C11orf65: variants seen among roughly 807,000 people sequenced by gnomAD.
C11orf65 encodes protein MFI.
Under a neutral mutation model 35.3 loss-of-function variants are expected in C11orf65, and 38 were observed. The observed-to-expected ratio is 1.08, with a 90% CI of 0.83 to 1.41. C11orf65 has a LOEUF of 1.41. C11orf65 is among the 40% of genes most tolerant of loss of function. The pLI, the probability that C11orf65 is intolerant of heterozygous loss-of-function variation, is 0.00. For synonymous variants in C11orf65, 105 were observed against 114.4 expected, an observed-to-expected ratio of 0.92 and a Z score of 0.53; for missense variants, 370 against 367.1, an observed-to-expected ratio of 1.01 and a Z score of -0.06.
At chr11:108,388,951 T>C (rs2092082456) in intron 7 of C11orf65, among the ~76,000 whole-genome samples, 1 of 152,238 alleles carries the variant, frequency 6.6e-6, no homozygotes, top group Non-Finnish European at 1.5e-5. Context: ...GGTTAATAGT[T>C]GCAGTACGCA....
intron 6 of C11orf65, among the ~76,000 whole-genome samples, chr11:108,318,478 T>C (rs1051917251): frequency 2.0e-5 from 3 of 152,058 alleles, no homozygotes; most frequent in African/African-American, 7.2e-5. Context: ...TCACTTGAGA[T>C]CAGGAGTTTG....
At chr11:108,442,293 C>T (rs1324441499) in intron 2 of C11orf65, among the ~76,000 whole-genome samples, 7 of 152,106 alleles carry the variant, frequency 4.6e-5, no homozygotes, top group South Asian at 2.1e-4. Context: ...GGAAAAAGAA[C>T]GAACAAAGCC....
rs876658925 is a variant in C11orf65, at chr11:108,331,913, A to G, written c.300-346T>C. 7.4e-6 allele frequency: 12 copies of G among 1,613,862 alleles called. No homozygotes were observed. Among genetic ancestry groups the G allele is most frequent in the African/African-American group, 1.3e-5 (1 of 74,930 alleles). On this transcript the variant is annotated intron_variant, in intron 3 of 3. Transcript: ENST00000524755. Reference sequence around the variant, plus strand: ...AGAATTTCAATGGATCACCCCCATCACACTTTGTTTATTATACTGGCCTTA... The same window carrying G: ...AGAATTTCAATGGATCACCCCCATCGCACTTTGTTTATTATACTGGCCTTA...
intron 6 of C11orf65, among the ~76,000 whole-genome samples, chr11:108,394,115 G>A (rs942886532): frequency 2.7e-5 from 4 of 150,542 alleles, no homozygotes; most frequent in African/African-American, 9.8e-5. Flanking sequence ...GGGAGGTGGA[G>A]GTTGCAGCGA....
In C11orf65 at chr11:108,344,477, C is replaced by G. The variant is rs2088026272; in HGVS notation, c.227-9185G>C. On this transcript the variant is annotated intron_variant, in intron 2 of 3. Transcript: ENST00000524755. ...AGATGGAGTGTTGCTTTATGAAATG[C>G]AAAGGAGTTTGCACCTTATGCTATA... 2.0e-5 allele frequency among the ~76,000 whole-genome samples: 3 copies of G among 152,092 alleles called. No individual in the cohort carries two copies. In the South Asian group the frequency reaches 6.2e-4, roughly 32 times the overall value.
At chr11:108,378,086 T>C (rs12362186), downstream of C11orf65, among the ~76,000 whole-genome samples, 580 of 151,888 alleles carry the variant, frequency 3.8e-3, 5 homozygotes, top group Non-Finnish European at 6.6e-3. Flanking sequence ...AATGCCATCC[T>C]CATCAAGCTA....
At chr11:108,389,082 C>T (rs1001117697) in intron 7 of C11orf65, among the ~76,000 whole-genome samples, 2 of 152,216 alleles carry the variant, frequency 1.3e-5, no homozygotes, top group African/African-American at 4.8e-5. Context: ...GGCATTTATG[C>T]CATTCTAACT....
chr11:108,376,802 C>A (rs1160073433), intron 2 of C11orf65, among the ~76,000 whole-genome samples: 1 of 151,654 alleles, frequency 6.6e-6, no homozygotes, highest in African/African-American at 2.4e-5. Flanking sequence ...GGGGATATCA[C>A]CACCGATCCC....
In C11orf65 at chr11:108,406,752, T is replaced by C. The variant is rs1332678046; in HGVS notation, c.429+11A>G. The C allele has an allele frequency of 6.5e-7, 1 of 1,537,084 alleles. No individual in the cohort carries two copies. Among genetic ancestry groups the C allele is most frequent in the Admixed American group, 1.8e-5 (1 of 56,784 alleles). ...ACGTAAGGTTAAAAATTAACATTTC[T>C]CTTTTCTTACTGTATCAGAAACTGG... On this transcript the variant is annotated intron_variant, in intron 5 of 8. Coordinates refer to ENST00000393084, the MANE Select transcript of C11orf65 (RefSeq NM_152587.5).
At chr11:108,349,667 A>G (rs990172362) in intron 2 of C11orf65, among the ~76,000 whole-genome samples, 19 of 152,320 alleles carry the variant, frequency 1.2e-4, no homozygotes, top group African/African-American at 4.3e-4. Flanking sequence ...TCTCAAAAAA[A>G]AAGAATGTGG....
chr11:108,429,747 C>T (rs979145958), intron 3 of C11orf65, among the ~76,000 whole-genome samples: 8 of 152,158 alleles, frequency 5.3e-5, no homozygotes, highest in African/African-American at 1.9e-4. Flanking sequence ...CCCAAGTGTC[C>T]ATTGGTGGAT....
rs866338415 is a variant in C11orf65, at chr11:108,353,895, G to A, written c.227-18603C>T. On this transcript the variant is annotated intron_variant, in intron 2 of 3. Transcript: ENST00000524755. ...GTCTTCAGAAGGTAAGTGATATGAA[G>A]TAAAGGAGGGAAATAATTTTTGATG... 23 of 1,597,648 alleles carry A rather than the reference G, an allele frequency of 1.4e-5. No individual in the cohort carries two copies. Among genetic ancestry groups the A allele is most frequent in the Non-Finnish European group, 1.9e-5 (22 of 1,165,298 alleles).
intron 6 of C11orf65, among the ~76,000 whole-genome samples, chr11:108,311,443 C>T (rs2084149949): frequency 6.6e-6 from 1 of 152,138 alleles, no homozygotes; most frequent in East Asian, 1.9e-4. Flanking sequence ...CGCATGTAAT[C>T]CCAGCACTTT....
At chr11:108,327,120 G>A (rs1250116137), downstream of C11orf65, among the ~76,000 whole-genome samples, 1 of 152,122 alleles carries the variant, frequency 6.6e-6, no homozygotes, top group Admixed American at 6.5e-5. Flanking sequence ...GAGCCACCAC[G>A]CCCGGCCTTT....
At position 108,383,146 on chromosome 11, in the gene C11orf65, T is replaced by A; in HGVS notation, c.817A>T (p.Ile273Leu). 1 of 1,603,064 alleles carries A rather than the reference T, an allele frequency of 6.2e-7. No homozygotes were observed. Among genetic ancestry groups the A allele is most frequent in the East Asian group, 2.2e-5 (1 of 44,742 alleles). ...GATATGTCTCCTCCATAGTTATATATGTTTTTCTGTGCTTGATTAAACCTG... is the reference window on the plus strand; with the variant it reads ...GATATGTCTCCTCCATAGTTATATAAGTTTTTCTGTGCTTGATTAAACCTG... ...GFRFNQAQKN[I>L]YNYGGDISKM... is the part of the protein sequence containing the mutation. Residue 273 changes from isoleucine (I) to leucine (L), a missense_variant, in exon 9 of 9, where the codon ATA (isoleucine) becomes TTA (leucine). Physicochemically the swap from Ile to Leu is conservative, Grantham distance 5 (BLOSUM62 2). Coordinates refer to ENST00000393084, the MANE Select transcript of C11orf65 (RefSeq NM_152587.5).
chr11:108,315,729 A>C (rs2084570189), intron 6 of C11orf65: 1 of 825,968 alleles, frequency 1.2e-6, no homozygotes, highest in Admixed American at 2.0e-5. Flanking sequence ...TAGAGTTGGG[A>C]GTTACATATT....
intron 1 of C11orf65, among the ~76,000 whole-genome samples, chr11:108,462,965 GCAA>G (rs149481838): frequency 0.012 from 1,879 of 151,994 alleles, 46 homozygotes; most frequent in African/African-American, 0.042. Context: ...TACAACAACA[GCAA>G]CAACAACAAA....
intron 2 of C11orf65, among the ~76,000 whole-genome samples, chr11:108,458,106 G>A (rs1161652314): frequency 2.0e-5 from 3 of 151,990 alleles, no homozygotes; most frequent in Non-Finnish European, 2.9e-5. Context: ...CCCTCTTAGA[G>A]GCACTCAATA....
At chr11:108,370,404 TATC>T (rs1422265761) in intron 2 of C11orf65, among the ~76,000 whole-genome samples, 2 of 152,142 alleles carry the variant, frequency 1.3e-5, no homozygotes, top group East Asian at 1.9e-4. Context: ...TATATAATCA[TATC>T]ATCTATGAAT....
Sources: allele counts gnomAD v4.1 joint callset (sites outside exome capture counted in the v4.1 genomes callset), GRCh38; gene constraint gnomAD v4.1.1; transcripts MANE v1.5; gene names NCBI Gene and HGNC (gene_info 2026-07-23, HGNC 2026-07-21).